The following CHIC2 variants were observed in gnomAD, a reference collection of about 807,000 sequenced individuals.
CHIC2 encodes the protein cysteine rich hydrophobic domain 2.
In CHIC2, 14 loss-of-function variants were observed where a neutral mutation model predicts 25.9. The observed-to-expected ratio is 0.54, with a 90% confidence interval of 0.36 to 0.85. The LOEUF is 0.85. CHIC2 is among the 40% of genes least tolerant of loss of function. The pLI is 0.01. For missense variants in CHIC2, 146 were observed against 202.0 expected (o/e 0.72, Z 1.68); for synonymous variants, 70 against 72.0 (o/e 0.97, Z 0.14).
intron 3 of CHIC2, among the ~76,000 whole-genome samples, chr4:54,017,962 T>G (rs1045303021): frequency 6.6e-6 from 1 of 152,214 alleles, no homozygotes; most frequent in African/African-American, 2.4e-5. Flanking sequence ...TTAAAAAATA[T>G]CATTTCAATT....
At chr4:54,040,811 G>A (rs1027374094) in intron 3 of CHIC2, among the ~76,000 whole-genome samples, 4 of 151,156 alleles carry the variant, frequency 2.6e-5, no homozygotes, top group Admixed American at 2.6e-4. Flanking sequence ...CTGGGAGGAG[G>A]AGGTTGCTGT....
At chr4:54,058,652 T>C (rs994360520) in intron 1 of CHIC2, among the ~76,000 whole-genome samples, 1 of 151,976 alleles carries the variant, frequency 6.6e-6, no homozygotes, top group Non-Finnish European at 1.5e-5. Flanking sequence ...CTACATGTTA[T>C]ATTTAAAGCT....
At chr4:54,055,071 T>C (rs1717132058) in intron 1 of CHIC2, among the ~76,000 whole-genome samples, 2 of 152,144 alleles carry the variant, frequency 1.3e-5, no homozygotes, top group South Asian at 2.1e-4. Flanking sequence ...ATAGCAGATG[T>C]ACCAAAATGG....
At position 54,049,129 on chromosome 4, in the gene CHIC2, A is replaced by T. The variant is rs1202519161; in HGVS notation, c.175-19T>A. On this transcript the variant is annotated intron_variant, in intron 2 of 5. Coordinates refer to ENST00000263921, the MANE Select transcript of CHIC2 (RefSeq NM_012110.4). ...GAGCTACCTAAAGAAAAATTTTAAGAAATAATAACAATGCAATATTAATGT... is the reference window on the plus strand; with the variant it reads ...GAGCTACCTAAAGAAAAATTTTAAGTAATAATAACAATGCAATATTAATGT... 1 of 1,588,732 alleles carries T rather than the reference A, an allele frequency of 6.3e-7. No individual in the cohort carries two copies. The highest frequency in any genetic ancestry group is 1.4e-5 in the African/African-American group (1 of 73,664).
intron 3 of CHIC2, among the ~76,000 whole-genome samples, chr4:54,048,389 T>C (rs1027248244): frequency 2.0e-5 from 3 of 152,130 alleles, no homozygotes; most frequent in African/African-American, 7.2e-5. Context: ...TTGTAAAATA[T>C]AAAAAGCAGA....
intron 3 of CHIC2, among the ~76,000 whole-genome samples, chr4:54,043,420 C>CAAA (rs902677237): frequency 1.8e-5 from 1 of 55,842 alleles, no homozygotes; most frequent in African/African-American, 5.8e-5. Flanking sequence ...GACTCCATTT[C>CAAA]AAAAAAAAAA....
chr4:54,037,892 C>T (rs886690751), intron 3 of CHIC2, among the ~76,000 whole-genome samples: 5 of 151,936 alleles, frequency 3.3e-5, no homozygotes, highest in East Asian at 1.9e-4. Flanking sequence ...ATAGTCAAAA[C>T]AGTGCTTTAG....
the CHIC2 span, chr4:54,087,782 T>C: frequency 4.4e-6 from 2 of 452,038 alleles, no homozygotes; most frequent in Non-Finnish European, 8.2e-6. Context: ...CACAAAGCCC[T>C]GTGCTGGTCT....
In CHIC2 at chr4:54,017,807, C is replaced by A. The variant is rs1455341916; in HGVS notation, c.331-3688G>T. On this transcript the variant is annotated intron_variant, in intron 3 of 5. Coordinates refer to ENST00000263921, the MANE Select transcript of CHIC2 (RefSeq NM_012110.4). ...CTCCCTCAGCTCACTTTAAATAACC[C>A]TTTTTCTTTAAAAAAACAAAAACAA... Among the ~76,000 whole-genome samples the A allele has an allele frequency of 5.3e-5, 8 of 152,184 alleles. No homozygotes were observed. In the South Asian group the frequency reaches 6.2e-4, roughly 12 times the overall value.
At chr4:54,036,061 A>G (rs941625662) in intron 3 of CHIC2, among the ~76,000 whole-genome samples, 1 of 152,192 alleles carries the variant, frequency 6.6e-6, no homozygotes, top group African/African-American at 2.4e-5. Flanking sequence ...CAGATAACCC[A>G]CTTTGTATGT....
At chr4:54,071,400 C>A in the CHIC2 span, among the ~76,000 whole-genome samples, 17 of 152,214 alleles carry the variant, frequency 1.1e-4, no homozygotes, top group Non-Finnish European at 1.9e-4. Context: ...ACCCACTTAG[C>A]CTTATAAGCC....
chr4:54,069,102 C>T (rs1459617203), upstream of CHIC2, among the ~76,000 whole-genome samples: 1 of 152,186 alleles, frequency 6.6e-6, no homozygotes, highest in African/African-American at 2.4e-5. Flanking sequence ...TCACCATTCA[C>T]TGCAGCCTCA....
intron 3 of CHIC2, among the ~76,000 whole-genome samples, chr4:54,040,893 T>G (rs1348389531): frequency 1.3e-5 from 2 of 150,060 alleles, no homozygotes; most frequent in East Asian, 3.9e-4. Flanking sequence ...ATAATAAGAA[T>G]AATAATAATA....
chr4:54,031,178 G>GAAA (rs34455625), intron 3 of CHIC2, among the ~76,000 whole-genome samples: 2 of 145,044 alleles, frequency 1.4e-5, no homozygotes, highest in African/African-American at 2.5e-5. Context: ...AAAAGGAAAG[G>GAAA]AAAAAAAAAA....
intron 1 of CHIC2, among the ~76,000 whole-genome samples, chr4:54,056,856 C>T (rs1187111564): frequency 6.6e-6 from 1 of 152,176 alleles, no homozygotes; most frequent in East Asian, 1.9e-4. Flanking sequence ...AGGGCTGTCA[C>T]ATACTACACA....
upstream of CHIC2, chr4:54,064,696 G>T: frequency 1.0e-6 from 1 of 1,004,060 alleles, no homozygotes; most frequent in South Asian, 4.6e-5. This position sits in a 1 kb window ranked among gnomAD's most constrained non-coding sequence, Gnocchi z 4.2. Flanking sequence ...CGCGTGCGTG[G>T]GCGCGTGGGC....
chr4:54,014,278 A>C (rs1042012878), intron 3 of CHIC2, among the ~76,000 whole-genome samples, 159 bp from the exon 4 acceptor site: 13 of 152,146 alleles, frequency 8.5e-5, no homozygotes, highest in Non-Finnish European at 1.6e-4. Flanking sequence ...TGGTAACCTG[A>C]ACACAAAAGA....
At chr4:54,025,925 T>C (rs529278335) in intron 3 of CHIC2, among the ~76,000 whole-genome samples, 17 of 151,576 alleles carry the variant, frequency 1.1e-4, no homozygotes, top group African/African-American at 3.6e-4. Flanking sequence ...CACCTGCTGA[T>C]GGATGATAAC....
At chr4:54,076,619 A>G in the CHIC2 span, 1 of 152,190 alleles carries the variant, frequency 6.6e-6, no homozygotes, top group Admixed American at 6.5e-5. Context: ...GACAATAACT[A>G]CCACGGCTTC....
Sources: allele counts gnomAD v4.1 joint callset (sites outside exome capture counted in the v4.1 genomes callset), GRCh38; gene constraint gnomAD v4.1.1; non-coding constraint Gnocchi (gnomAD v3.1); transcripts MANE v1.5; gene names NCBI Gene and HGNC (gene_info 2026-07-23, HGNC 2026-07-21).